The following CHD6 variants were observed in gnomAD, a reference collection of about 807,000 sequenced individuals.
The protein encoded by CHD6 is chromodomain helicase DNA binding protein 6, also known as ATP-dependent chromatin remodeler CHD6.
Under a neutral mutation model 276.9 loss-of-function variants are expected in CHD6, and 50 were observed. That is an observed-to-expected ratio of 0.18 (90% confidence interval 0.14 to 0.23). The LOEUF is 0.23. Among genes scored for constraint, CHD6 ranks in the 10% least tolerant of loss-of-function variants. The probability of loss-of-function intolerance (pLI) is 1.00; values close to 1 mark genes in which losing one functional copy is unlikely to be tolerated. For synonymous variants in CHD6, 1,173 were observed against 1,229.3 expected (o/e 0.95, Z 0.96); for missense variants, 2,564 against 3,365.8 (o/e 0.76, Z 5.89).
In CHD6 at chr20:41,422,095, A is replaced by G; in HGVS notation, c.4556-16T>C. 1.3e-6 allele frequency: 2 copies of G among 1,587,788 alleles called. No homozygotes were observed. The highest frequency in any genetic ancestry group is 1.7e-5 in the Admixed American group (1 of 58,362). Reference sequence around the variant, plus strand: ...TCTGGGGGACCTGGAGAGAAAGGGAAATAAAGCCTATCACTGAAGGTGACC... The same window carrying G: ...TCTGGGGGACCTGGAGAGAAAGGGAGATAAAGCCTATCACTGAAGGTGACC... On this transcript the variant is annotated splice_polypyrimidine_tract_variant and intron_variant, in intron 30 of 36. Coordinates refer to ENST00000373233, the MANE Select transcript of CHD6 (RefSeq NM_032221.5).
chr20:41,489,239 A>C (rs2043491518), intron 12 of CHD6, among the ~76,000 whole-genome samples: 1 of 152,136 alleles, frequency 6.6e-6, no homozygotes, highest in Non-Finnish European at 1.5e-5. Flanking sequence ...GAAATCGTTT[A>C]ATTTTTACCT....
At position 41,447,837 on chromosome 20, in the gene CHD6, A is replaced by C. The variant is rs373840325; in HGVS notation, c.3773+45T>G. The C allele has an allele frequency of 1.0e-3, 1,440 of 1,423,142 alleles. 1 individual carries two copies. The highest frequency in any genetic ancestry group is 1.2e-3 in the Non-Finnish European group (1,248 of 1,018,366). 88.2% of individuals were successfully genotyped at this position (1,423,142 alleles called of 1,614,324 possible). A position where few individuals can be genotyped will look rare whatever the true frequency, so the allele number is the denominator to read the frequency against. On this transcript the variant is annotated intron_variant, in intron 24 of 36. Transcript: ENST00000373233. Reference sequence around the variant, plus strand: ...GGCCAGCTCCATGAATAGGCATTTTATGTCAATTCTTTAACGTTGATATGT... The same window carrying C: ...GGCCAGCTCCATGAATAGGCATTTTCTGTCAATTCTTTAACGTTGATATGT...
At chr20:41,410,938 G>A (rs1159680056) in intron 36 of CHD6, among the ~76,000 whole-genome samples, 2 of 152,290 alleles carry the variant, frequency 1.3e-5, no homozygotes, top group East Asian at 3.9e-4. Context: ...AGGAGAAGGT[G>A]GGAGGCAGCG....
rs2145965438 is a variant in CHD6, at chr20:41,512,968, G to A, written c.730C>T (p.Arg244Cys). ...QKRRSGRQVK[R>C]RKYNEDLDFK... ...TCCAGGTCCTCATTGTATTTTCTGC[G>A]CTTTACTTGCCTTCCCGAGCGTCGT... The change falls in exon 5 of 37, where the codon CGC becomes TGC. Residue 244 changes from arginine (R) to cysteine (C), a missense_variant. This residue lies in a region of CHD6 where 286 missense variants were observed against 297.8 expected (regional missense o/e 0.96). Transcript: ENST00000373233. 4 of 1,613,970 alleles carry A rather than the reference G, an allele frequency of 2.5e-6. No homozygotes were observed. Among genetic ancestry groups the A allele is most frequent in the Non-Finnish European group, 3.4e-6 (4 of 1,179,942 alleles).
intron 2 of CHD6, among the ~76,000 whole-genome samples, chr20:41,535,711 A>T (rs1353858042): frequency 1.3e-5 from 2 of 152,054 alleles, no homozygotes; most frequent in African/African-American, 4.8e-5. Flanking sequence ...AAAAAAATTT[A>T]AAACATTTGC....
intron 17 of CHD6, among the ~76,000 whole-genome samples, chr20:41,459,085 C>G (rs1047511467): frequency 6.6e-6 from 1 of 152,098 alleles, no homozygotes; most frequent in Non-Finnish European, 1.5e-5. Context: ...TTACTGGGCC[C>G]AGAGAAAGGG....
chr20:41,571,524 T>G (rs1035459493), intron 1 of CHD6, among the ~76,000 whole-genome samples: 1 of 151,916 alleles, frequency 6.6e-6, no homozygotes, highest in African/African-American at 2.4e-5. Context: ...TCCGAGTAGC[T>G]GGGACTACAG....
At chr20:41,542,489 G>A (rs1486198770) in intron 2 of CHD6, among the ~76,000 whole-genome samples, 7 of 151,916 alleles carry the variant, frequency 4.6e-5, no homozygotes, top group African/African-American at 1.2e-4. Context: ...TCAGGAGATC[G>A]AGACCATCCT....
rs200201325 is a variant in CHD6, at chr20:41,440,033, C to A, written c.3974G>T (p.Gly1325Val). 4.5e-5 allele frequency: 73 copies of A among 1,614,050 alleles called. No individual in the cohort carries two copies. In the East Asian group the frequency reaches 1.6e-3, roughly 35 times the overall value. The change falls in exon 26 of 37, where the codon GGT (glycine) becomes GTT (valine). Residue 1325 changes from glycine to valine, a missense_variant. By Grantham distance (109) the Gly-to-Val change is moderately radical. Coordinates refer to ENST00000373233, the MANE Select transcript of CHD6 (RefSeq NM_032221.5). ...PDEKSLSAEQ[G>V]VTDGTSDIPE... ...AATGTCTGAGGTCCCATCTGTAACA[C>A]CCTGTTCTGCAGAAAGGGACTTCTC...
intron 2 of CHD6, among the ~76,000 whole-genome samples, chr20:41,549,159 T>C (rs1224500615): frequency 3.3e-5 from 5 of 151,668 alleles, no homozygotes; most frequent in African/African-American, 4.8e-5. Flanking sequence ...ACCCAAAGGA[T>C]TATAAATCAT....
chr20:41,487,175 T>C (rs149545533), intron 14 of CHD6, among the ~76,000 whole-genome samples: 519 of 152,338 alleles, frequency 3.4e-3, no homozygotes, highest in African/African-American at 0.011. Context: ...AGAAATGCAG[T>C]TGATCTGGAC....
At chr20:41,550,997 ATCTC>A (rs999623060) in intron 2 of CHD6, among the ~76,000 whole-genome samples, 1 of 152,242 alleles carries the variant, frequency 6.6e-6, no homozygotes, top group Non-Finnish European at 1.5e-5. Context: ...AATTGGTCAC[ATCTC>A]TCTTTCAGAA....
rs569896650 is a variant in CHD6, at chr20:41,403,352, G to A, written c.*1241C>T. The A allele has an allele frequency of 7.8e-5, 83 of 1,062,618 alleles. No individual in the cohort carries two copies. The highest frequency in any genetic ancestry group is 4.2e-4 in the Middle Eastern group (1 of 2,390). 65.8% of individuals were successfully genotyped at this position (1,062,618 alleles called of 1,614,324 possible). On this transcript the variant is annotated 3_prime_UTR_variant, in exon 37 of 37. Coordinates refer to ENST00000373233, the MANE Select transcript of CHD6 (RefSeq NM_032221.5). ...AGACCATCAGAAGGGACGTTAACAT[G>A]AAGGTGAAAGGACATGGGGAAGTGC...
At chr20:41,549,665 A>G (rs2045114524) in intron 2 of CHD6, among the ~76,000 whole-genome samples, 1 of 151,968 alleles carries the variant, frequency 6.6e-6, no homozygotes, top group African/African-American at 2.4e-5. Context: ...TAAAAAAATA[A>G]AATATTTTGG....
chr20:41,478,986 T>C (rs574619283), intron 16 of CHD6, among the ~76,000 whole-genome samples: 2 of 150,890 alleles, frequency 1.3e-5, no homozygotes, highest in South Asian at 4.2e-4. Context: ...TGTTAAGTAA[T>C]GAATAAAAAG....
chr20:41,617,420 CAAAT>C (rs73622094), intron 1 of CHD6, among the ~76,000 whole-genome samples: 3,396 of 152,268 alleles, frequency 0.022, 46 homozygotes, highest in South Asian at 0.04. Flanking sequence ...TTAATTGTAT[CAAAT>C]AAAACTGAAG....
intron 1 of CHD6, among the ~76,000 whole-genome samples, chr20:41,611,527 T>C (rs551678325): frequency 6.6e-6 from 1 of 152,316 alleles, no homozygotes; most frequent in East Asian, 1.9e-4. Context: ...CAAATTTTGA[T>C]GTGCACAAAA....
chr20:41,493,680 G>T lies in CHD6; in HGVS notation c.1180-8C>A. ...CAGGTAATGTGTTACCTCCTGGTGG[G>T]AAAACAGGAAAGAAACTTAATGTTC... On this transcript the variant is annotated splice_polypyrimidine_tract_variant and splice_region_variant and intron_variant, in intron 9 of 36. Coordinates refer to ENST00000373233, the MANE Select transcript of CHD6 (RefSeq NM_032221.5). 1 of 1,612,834 alleles carries T rather than the reference G, an allele frequency of 6.2e-7. No individual in the cohort carries two copies. The highest frequency in any genetic ancestry group is 8.5e-7 in the Non-Finnish European group (1 of 1,179,488).
At position 41,525,972 on chromosome 20, in the gene CHD6, T is replaced by C. The variant is rs574711112; in HGVS notation, c.554+7078A>G. Among the ~76,000 whole-genome samples the C allele has an allele frequency of 9.9e-5, 15 of 152,256 alleles. No homozygotes were observed. The East Asian group carries it at 2.5e-3, about 25-fold the overall frequency. ...AGTCTCATAGATACTTCTGTGACAC[T>C]TTGCTTCCTTTCCCTATAAAAAAAC... On this transcript the variant is annotated intron_variant, in intron 3 of 36. Coordinates refer to ENST00000373233, the MANE Select transcript of CHD6 (RefSeq NM_032221.5).
Sources: gnomAD v4.1 joint callset for allele counts (sites outside exome capture counted in the v4.1 genomes callset) on GRCh38, gnomAD v4.1.1 for gene constraint, gnomAD v4.1.1 regional missense constraint, MANE v1.5 for transcripts, NCBI Gene and HGNC (gene_info 2026-07-23, HGNC 2026-07-21) for gene names.